RNF114: variants seen among roughly 807,000 people sequenced by gnomAD.
The protein encoded by RNF114 is E3 ubiquitin-protein ligase RNF114.
A neutral mutation model predicts 28.4 loss-of-function variants in RNF114; 6 were observed. The observed-to-expected ratio is 0.21, with a 90% confidence interval of 0.12 to 0.42. The LOEUF (loss-of-function observed/expected upper bound fraction) is 0.42, where lower values mean the gene tolerates loss of function less well. Among genes scored for constraint, RNF114 ranks in the 10% least tolerant of loss-of-function variants. The pLI is 1.00. For missense variants in RNF114, 249 were observed against 311.7 expected, an observed-to-expected ratio of 0.80 and a Z score of 1.51; for synonymous variants, 115 against 116.7, an observed-to-expected ratio of 0.99 and a Z score of 0.09.
intron 1 of RNF114, among the ~76,000 whole-genome samples, chr20:49,938,530 T>C (rs2090295884): frequency 6.6e-6 from 1 of 152,216 alleles, no homozygotes; most frequent in South Asian, 2.1e-4. Context: ...TATAAAACTT[T>C]ATTTCAAGCC....
intron 5 of RNF114, 56 bp downstream of exon 5, chr20:49,949,411 C>A: frequency 7.0e-7 from 1 of 1,424,758 alleles, no homozygotes; most frequent in Non-Finnish European, 9.9e-7. Flanking sequence ...ACGGCTACTT[C>A]ACTCTTCTCA....
intron 1 of RNF114, among the ~76,000 whole-genome samples, chr20:49,939,870 C>T (rs997684778): frequency 2.6e-5 from 4 of 151,716 alleles, no homozygotes; most frequent in African/African-American, 4.8e-5. Context: ...GCCTGGCTAA[C>T]GTGGTGAAAC....
intron 4 of RNF114, among the ~76,000 whole-genome samples, chr20:49,946,833 A>C (rs1294917237): frequency 6.6e-6 from 1 of 152,098 alleles, no homozygotes; most frequent in Non-Finnish European, 1.5e-5. Flanking sequence ...GTGGGGAAAG[A>C]GGATTTAGGT....
chr20:49,952,388 T>C lies in RNF114; in HGVS notation c.*247T>C. The C allele has an allele frequency of 1.8e-6, 1 of 550,350 alleles. No individual in the cohort carries two copies. The highest frequency in any genetic ancestry group is 3.3e-6 in the Non-Finnish European group (1 of 306,516). 34.1% of individuals were successfully genotyped at this position (550,350 alleles called of 1,614,324 possible). A position where few individuals can be genotyped will look rare whatever the true frequency, so the allele number is the denominator to read the frequency against. On this transcript the variant is annotated 3_prime_UTR_variant, in exon 6 of 6. Coordinates refer to ENST00000244061, the MANE Select transcript of RNF114 (RefSeq NM_018683.4). ...GTCACACGGTCGAGTTCGTATTGGT[T>C]CTCGGCTACTTCCTGGAGCTTCTGC...
chr20:49,939,377 G>A (rs753442542), intron 1 of RNF114, among the ~76,000 whole-genome samples: 1 of 152,172 alleles, frequency 6.6e-6, no homozygotes, highest in Non-Finnish European at 1.5e-5. Context: ...TGACAAGGAG[G>A]AAGGAGATTC....
In RNF114 at chr20:49,941,914, G is replaced by A. The variant is rs539233571; in HGVS notation, c.291+203G>A. 1.9e-5 allele frequency: 10 copies of A among 519,316 alleles called. No individual in the cohort carries two copies. In the Admixed American group the frequency reaches 4.2e-4, roughly 22 times the overall value. 32.2% of individuals were successfully genotyped at this position (519,316 alleles called of 1,614,324 possible). Reference sequence around the variant, plus strand: ...GTTTCTTTTTTTAAGAGTTGGTTAAGTATATATTTTAGGTTTGAAAGCCAT... The same window carrying A: ...GTTTCTTTTTTTAAGAGTTGGTTAAATATATATTTTAGGTTTGAAAGCCAT... On this transcript the variant is annotated intron_variant, in intron 2 of 5. Coordinates refer to ENST00000244061, the MANE Select transcript of RNF114 (RefSeq NM_018683.4).
chr20:49,945,151 TTTTAG>T (rs1315726296), intron 2 of RNF114: 4 of 435,262 alleles, frequency 9.2e-6, no homozygotes, highest in Non-Finnish European at 1.7e-5. Context: ...AGGAGAGTTA[TTTTAG>T]AGTGGAAGTG....
chr20:49,940,769 C>G (rs6020142), intron 1 of RNF114, among the ~76,000 whole-genome samples: 1,530 of 150,364 alleles, frequency 0.01, 30 homozygotes, highest in African/African-American at 0.036. Flanking sequence ...TTCCCCTCCA[C>G]CCCCCCCTTG....
At position 49,945,463 on chromosome 20, in the gene RNF114, A is replaced by G. The variant is rs1236575131; in HGVS notation, c.373A>G (p.Ile125Val). 1 of 1,610,266 alleles carries G rather than the reference A, an allele frequency of 6.2e-7. No individual in the cohort carries two copies. The highest frequency in any genetic ancestry group is 8.5e-7 in the Non-Finnish European group (1 of 1,176,610). The change falls in exon 3 of 6, where the codon ATT (isoleucine) becomes GTT (valine). Residue 125 changes from isoleucine to valine, a missense_variant. Around this residue, in one of 2 missense-constraint regions of RNF114, gnomAD observed 126 missense variants for 205.3 expected, o/e 0.61. Transcript: ENST00000244061. ...NYIMEGVKATIKDASLQPRNV... is the reference protein window; with the variant it reads ...NYIMEGVKATVKDASLQPRNV... ...CATCATGGAAGGTGTGAAGGCCACC[A>G]TTAAGGATGCATCTCTTCAGCCAAG...
intron 4 of RNF114, among the ~76,000 whole-genome samples, 190 bp from the exon 5 acceptor site, chr20:49,949,058 C>T (rs943865212): frequency 3.7e-4 from 56 of 152,186 alleles, no homozygotes; most frequent in African/African-American, 1.3e-3. Flanking sequence ...CCCAGTCCCA[C>T]GTGTCATTTG....
At chr20:49,946,477 C>T (rs573016575) in intron 4 of RNF114, among the ~76,000 whole-genome samples, 3 of 152,210 alleles carry the variant, frequency 2.0e-5, no homozygotes, top group South Asian at 2.1e-4. Context: ...CTGAATACTT[C>T]GCACCCTGAT....
At chr20:49,941,538 G>A in intron 1 of RNF114, 23 bp from the exon 2 acceptor site, 1 of 1,555,326 alleles carries the variant, frequency 6.4e-7, no homozygotes. Flanking sequence ...CGTGACAGAG[G>A]TTCTCTGTAT....
intron 2 of RNF114, chr20:49,943,873 G>GATATATATATATATATAT (rs71190517): frequency 2.5e-5 from 3 of 122,136 alleles, no homozygotes; most frequent in African/African-American, 6.2e-5. Flanking sequence ...TACACACAGA[G>GATATATATATATATATAT]ATATATATAT....
Position 49,949,330 on chromosome 20 carries a change from A to G in RNF114, c.596A>G (p.His199Arg). The change falls in exon 5 of 6, where the codon CAC (histidine) becomes CGC (arginine). Residue 199 changes from histidine (H) to arginine (R), a missense_variant. By Grantham distance (29) the His-to-Arg change is conservative (BLOSUM62 0). Around this residue, in one of 2 missense-constraint regions of RNF114, gnomAD observed 126 missense variants for 205.3 expected, o/e 0.61. Coordinates refer to ENST00000244061, the MANE Select transcript of RNF114 (RefSeq NM_018683.4). The stretch of plus-strand genomic sequence containing the variant: ...TTCAGAGAGCACATCCAGCGCCGGC[A>G]CCGGTTTTCTTATGACACTTTTGTG... ...ANFREHIQRR[H>R]RFSYDTFVDY... is the part of the protein sequence containing the mutation. 1 of 1,613,842 alleles carries G rather than the reference A, an allele frequency of 6.2e-7. No homozygotes were observed. The highest frequency in any genetic ancestry group is 8.5e-7 in the Non-Finnish European group (1 of 1,179,930).
chr20:49,941,594 G>A lies in RNF114; in HGVS notation c.174G>A (p.Lys58=), dbSNP rs755896289. 1 of 1,609,644 alleles carries A rather than the reference G, an allele frequency of 6.2e-7. No homozygotes were observed. The highest frequency in any genetic ancestry group is 8.5e-7 in the Non-Finnish European group (1 of 1,176,998). Reference sequence around the variant, plus strand: ...CTGCATGCCTGCAGGAATGTCTGAAGCCGAAGAAGCCTGTCTGTGGGGTGT... The same window carrying A: ...CTGCATGCCTGCAGGAATGTCTGAAACCGAAGAAGCCTGTCTGTGGGGTGT... ...FCSACLQECL[K]PKKPVCGVCR... The change falls in exon 2 of 6, where the codon AAG becomes AAA. Residue 58 remains lysine (K), a synonymous_variant. Coordinates refer to ENST00000244061, the MANE Select transcript of RNF114 (RefSeq NM_018683.4).
chr20:49,951,955 G>C (rs1307449649), intron 5 of RNF114, 121 bp from the exon 6 acceptor site: 2 of 737,190 alleles, frequency 2.7e-6, no homozygotes, highest in Non-Finnish European at 4.9e-6. Context: ...CAGTTGCACT[G>C]GGGATCCGGT....
Position 49,941,598 on chromosome 20 carries a change from A to G in RNF114, c.178A>G (p.Lys60Glu). 1.2e-6 allele frequency: 2 copies of G among 1,610,520 alleles called. No homozygotes were observed. Residue 60 changes from lysine to glutamate, a missense_variant, in exon 2 of 6, where the codon AAG becomes GAG. Around this residue, in one of 2 missense-constraint regions of RNF114, gnomAD observed 123 missense variants for 106.4 expected, o/e 1.16. Transcript: ENST00000244061. The stretch of plus-strand genomic sequence containing the variant: ...ATGCCTGCAGGAATGTCTGAAGCCG[A>G]AGAAGCCTGTCTGTGGGGTGTGTCG... ...SACLQECLKP[K>E]KPVCGVCRSA...
At chr20:49,951,965 T>A (rs2146861310) in intron 5 of RNF114, 111 bp from the exon 6 acceptor site, 1 of 761,492 alleles carries the variant, frequency 1.3e-6, no homozygotes. Flanking sequence ...GGGGATCCGG[T>A]CCCTGGCAAC....
At chr20:49,941,807 T>C in intron 2 of RNF114, 96 bp downstream of exon 2, 1 of 1,371,934 alleles carries the variant, frequency 7.3e-7, no homozygotes, top group Non-Finnish European at 1.0e-6. Flanking sequence ...AGAGCATGAC[T>C]AGGTCACTAA....
Sources: allele counts gnomAD v4.1 joint callset (sites outside exome capture counted in the v4.1 genomes callset), GRCh38; gene constraint gnomAD v4.1.1; regional missense constraint gnomAD v4.1.1; transcripts MANE v1.5; gene names NCBI Gene and HGNC (gene_info 2026-07-23, HGNC 2026-07-21).